The following AARS1 variants were observed in gnomAD, a reference collection of about 807,000 sequenced individuals.
AARS1 encodes the protein alanine--tRNA ligase, cytoplasmic.
In AARS1, 72 loss-of-function variants were observed where a neutral mutation model predicts 108.9. That is an observed-to-expected ratio of 0.66 (90% confidence interval 0.55 to 0.80). The LOEUF is 0.80. AARS1 is among the 30% of genes least tolerant of loss of function. AARS1 has a pLI of 0.00. For missense variants in AARS1, 1,193 were observed against 1,233.2 expected (o/e 0.97, Z 0.49); for synonymous variants, 489 against 465.7 (o/e 1.05, Z -0.64).
chr16:70,269,527 C>G, intron 7 of AARS1, 91 bp downstream of exon 7: 8 of 1,567,694 alleles, frequency 5.1e-6, no homozygotes, highest in Non-Finnish European at 6.9e-6. Context: ...GAGCAACACT[C>G]AATCTCACAC....
At chr16:70,253,520 G>A in intron 19 of AARS1, 139 bp from the exon 20 acceptor site, 1 of 1,024,828 alleles carries the variant, frequency 9.8e-7, no homozygotes, top group South Asian at 1.4e-5. Context: ...CTGTGGGGAG[G>A]ACCCCAGCGC....
chr16:70,254,385 C>G (rs1333077324), intron 17 of AARS1: 1 of 593,682 alleles, frequency 1.7e-6, no homozygotes, highest in Admixed American at 2.7e-5. Context: ...ACCCCAGTGC[C>G]CATACATGCT....
chr16:70,266,289 G>A (rs1960260580), intron 9 of AARS1, among the ~76,000 whole-genome samples: 1 of 150,886 alleles, frequency 6.6e-6, no homozygotes, highest in South Asian at 2.1e-4. Flanking sequence ...ACTCCAGCCT[G>A]GGCGACAGAG....
intron 5 of AARS1, 98 bp downstream of exon 5, chr16:70,271,683 A>G: frequency 1.6e-6 from 2 of 1,250,602 alleles, no homozygotes; most frequent in Middle Eastern, 2.5e-4. Flanking sequence ...TGAGAAATAA[A>G]GAAATGAGCT....
chr16:70,253,921 G>C lies in AARS1; in HGVS notation c.2518C>G (p.Arg840Gly). The C allele has an allele frequency of 6.2e-7, 1 of 1,614,226 alleles. No individual in the cohort carries two copies. Among genetic ancestry groups the C allele is most frequent in the Non-Finnish European group, 8.5e-7 (1 of 1,180,030 alleles). ...CCACTGGTGCTGCCAGGACTCACTC[G>C]TTTCTGGACATCGGCTTTGCTGGCT... is the stretch of plus-strand genomic sequence containing the variant. Reference protein sequence around the residue: ...DRASKADVQKRVLEKTKQFID... With the variant: ...DRASKADVQKGVLEKTKQFID... Residue 840 changes from arginine to glycine, a missense_variant and splice_region_variant, in exon 18 of 21, where the codon CGA becomes GGA. Physicochemically the swap from Arg to Gly is moderately radical, Grantham distance 125. Coordinates refer to ENST00000261772, the MANE Select transcript of AARS1 (RefSeq NM_001605.3).
chr16:70,285,555 TCTC>T (rs1383017858), intron 1 of AARS1, among the ~76,000 whole-genome samples: 1 of 151,870 alleles, frequency 6.6e-6, no homozygotes, highest in Non-Finnish European at 1.5e-5. Flanking sequence ...TTCCTGCAAT[TCTC>T]CTGCCTCAGC....
intron 11 of AARS1, among the ~76,000 whole-genome samples, chr16:70,262,987 A>AAAC (rs1567604884): frequency 6.8e-6 from 1 of 147,392 alleles, no homozygotes; most frequent in African/African-American, 2.5e-5. Flanking sequence ...AAAAAAAAAA[A>AAAC]AAAAAAAAAA....
In AARS1 at chr16:70,270,070, T is replaced by C. The variant is rs748489182; in HGVS notation, c.816+126A>G. On this transcript the variant is annotated intron_variant, in intron 6 of 20. Transcript: ENST00000261772. ...GAGCCTCACATTATTAACAATGAAG[T>C]AGGCAGATGGAAATGGGTACCCTTG... 57 of 1,193,084 alleles carry C rather than the reference T, an allele frequency of 4.8e-5. 1 individual carries two copies. The highest frequency in any genetic ancestry group is 1.2e-4 in the East Asian group (5 of 41,740). 73.9% of individuals were successfully genotyped at this position (1,193,084 alleles called of 1,614,324 possible).
intron 1 of AARS1, among the ~76,000 whole-genome samples, chr16:70,286,552 T>C (rs892729279): frequency 1.1e-4 from 16 of 152,098 alleles, no homozygotes; most frequent in Non-Finnish European, 1.5e-4. Flanking sequence ...AAAAAAATTT[T>C]TGAGGCCGGG....
intron 5 of AARS1, 145 bp downstream of exon 5, chr16:70,271,636 T>A: frequency 2.5e-6 from 2 of 800,796 alleles, no homozygotes; most frequent in South Asian, 3.0e-5. Flanking sequence ...CATGAAAGAA[T>A]AGGCCCATCC....
intron 9 of AARS1, among the ~76,000 whole-genome samples, chr16:70,266,101 C>A (rs895996548): frequency 1.3e-5 from 2 of 152,122 alleles, no homozygotes; most frequent in Non-Finnish European, 2.9e-5. Context: ...ATCAGGAGGT[C>A]AGGAGATCGA....
chr16:70,276,930 CT>C, intron 3 of AARS1, 35 bp downstream of exon 3: 1 of 1,612,078 alleles, frequency 6.2e-7, no homozygotes, highest in Non-Finnish European at 8.5e-7. Context: ...GACCATTTTC[CT>C]CAAAACCCTA....
chr16:70,271,346 T>C (rs1439337053), intron 5 of AARS1, among the ~76,000 whole-genome samples: 1 of 151,638 alleles, frequency 6.6e-6, no homozygotes, highest in Admixed American at 6.6e-5. Context: ...CTGACCAACA[T>C]GGAGAAACCC....
intron 3 of AARS1, 24 bp downstream of exon 3, chr16:70,276,942 G>C: frequency 6.2e-7 from 1 of 1,613,684 alleles, no homozygotes; most frequent in South Asian, 1.1e-5. Flanking sequence ...CAAAACCCTA[G>C]TGGTTCTTCT....
In AARS1 at chr16:70,261,149, C is replaced by G. The variant is rs863224707; in HGVS notation, c.1680G>C (p.Glu560Asp). The G allele has an allele frequency of 3.7e-6, 6 of 1,612,692 alleles. No individual in the cohort carries two copies. The highest frequency in any genetic ancestry group is 4.2e-6 in the Non-Finnish European group (5 of 1,178,922). The change falls in exon 13 of 21, where the codon GAG becomes GAC. Residue 560 changes from glutamate (E) to aspartate (D), a missense_variant. Transcript: ENST00000261772. ...GGACCTGAGCATTCTTCACTGTAAA[C>G]TCTGTTTTCTAAGAGGGGTCAAGGA... Reference protein sequence around the residue: ...KVDDSSEDKTEFTVKNAQVRG... With the variant: ...KVDDSSEDKTDFTVKNAQVRG...
chr16:70,258,875 G>T, intron 14 of AARS1, 105 bp downstream of exon 14: 7 of 1,344,174 alleles, frequency 5.2e-6, no homozygotes, highest in Non-Finnish European at 7.4e-6. Context: ...AAATCTACGT[G>T]CAGGACGAAT....
intron 1 of AARS1, among the ~76,000 whole-genome samples, chr16:70,283,467 G>C (rs192357322): frequency 6.6e-6 from 1 of 152,130 alleles, no homozygotes; most frequent in East Asian, 1.9e-4. Context: ...AGTCCAACTG[G>C]GGAAGAGGGA....
At chr16:70,282,597 A>C (rs752841511) in intron 2 of AARS1, 23 bp downstream of exon 2, 2 of 1,613,888 alleles carry the variant, frequency 1.2e-6, no homozygotes, top group South Asian at 2.2e-5. Context: ...ACCAAAAGCC[A>C]AGAAAAAAGG....
chr16:70,262,421 G>T lies in AARS1; in HGVS notation c.1596C>A (p.Thr532=), dbSNP rs142181559. 5 of 1,614,142 alleles carry T rather than the reference G, an allele frequency of 3.1e-6. No homozygotes were observed. The East Asian group carries it at 1.1e-4, about 36-fold the overall frequency. The change falls in exon 12 of 21, where the codon ACC becomes ACA. Residue 532 remains threonine (T), a synonymous_variant. Transcript: ENST00000261772. Reference sequence around the variant, plus strand: ...GGCCTCCTTGCTCAGCATAGAAACAGGTCTTGTCCAGCACCACTCCACACT... The same window carrying T: ...GGCCTCCTTGCTCAGCATAGAAACATGTCTTGTCCAGCACCACTCCACACT... ...GQECGVVLDK[T]CFYAEQGGQI...
Sources: gnomAD v4.1 joint callset for allele counts (sites outside exome capture counted in the v4.1 genomes callset) on GRCh38, gnomAD v4.1.1 for gene constraint, MANE v1.5 for transcripts, NCBI Gene and HGNC (gene_info 2026-07-23, HGNC 2026-07-21) for gene names.